MKKS: variants seen among roughly 807,000 people sequenced by gnomAD.
The protein encoded by MKKS is molecular chaperone MKKS.
A neutral mutation model predicts 33.2 loss-of-function variants in MKKS; 29 were observed. The ratio of observed to expected loss-of-function variants is 0.87; its 90% confidence interval spans 0.65 to 1.19. MKKS has a LOEUF of 1.19. Ranked by LOEUF, MKKS falls within the 50% of genes most tolerant of loss-of-function variation. The pLI is 0.00. For synonymous variants in MKKS, 260 were observed against 244.0 expected (o/e 1.07, Z -0.61); for missense variants, 661 against 662.3 (o/e 1.00, Z 0.02).
In MKKS at chr20:10,405,580, A is replaced by G; in HGVS notation, c.1380T>C (p.Ser460=). 1 of 1,614,216 alleles carries G rather than the reference A, an allele frequency of 6.2e-7. No homozygotes were observed. The highest frequency in any genetic ancestry group is 8.5e-7 in the Non-Finnish European group (1 of 1,180,042). ...FCSALESVVG[S]LEHDGGEILT... is the part of the protein sequence containing the mutation. ...GAATTTCACCTCCATCATGTTCTAA[A>G]GAGCCAACAACAGATTCTAGGGCAC... Residue 460 remains serine, a synonymous_variant, in exon 6 of 6, where the codon TCT becomes TCC. Transcript: ENST00000347364.
Position 10,412,675 on chromosome 20 carries a change from T to A in MKKS, c.840A>T (p.Gly280=). The A allele has an allele frequency of 6.2e-7, 1 of 1,614,114 alleles. No individual in the cohort carries two copies. Among genetic ancestry groups the A allele is most frequent in the Non-Finnish European group, 8.5e-7 (1 of 1,180,008 alleles). The change falls in exon 3 of 6, where the codon GGA becomes GGT. Residue 280 remains glycine (G), a synonymous_variant. Coordinates refer to ENST00000347364, the MANE Select transcript of MKKS (RefSeq NM_170784.3). ...NAVLDQLLNL[G]RQLISDHVDL... ...CTACGTGGTCACTGATTAGCTGCCTTCCTAGGTTAAGCAGCTGGTCCAAGA... is the reference window on the plus strand; with the variant it reads ...CTACGTGGTCACTGATTAGCTGCCTACCTAGGTTAAGCAGCTGGTCCAAGA...
intron 2 of MKKS, among the ~76,000 whole-genome samples, chr20:10,418,548 C>T (rs1175240795): frequency 2.0e-5 from 3 of 152,134 alleles, no homozygotes; most frequent in Non-Finnish European, 4.4e-5. Flanking sequence ...TAAATATCTG[C>T]TTCTGCTTGC....
chr20:10,414,778 C>G (rs747192060), intron 2 of MKKS, among the ~76,000 whole-genome samples: 2 of 152,086 alleles, frequency 1.3e-5, no homozygotes, highest in African/African-American at 4.8e-5. Flanking sequence ...CTATATTTAG[C>G]TGAATAATTC....
rs1249784538 is a variant in MKKS at position 10,401,792 on chromosome 20, T to C, written c.*3455A>G. The C allele has an allele frequency of 6.6e-6, 1 of 152,180 alleles. No individual in the cohort carries two copies. The highest frequency in any genetic ancestry group is 1.5e-5 in the Non-Finnish European group (1 of 68,024). 9.4% of individuals were successfully genotyped at this position (152,180 alleles called of 1,614,324 possible). A position where few individuals can be genotyped will look rare whatever the true frequency, so the allele number is the denominator to read the frequency against. ...CAAATGAGTTCAAGGATACCTATAA[T>C]AAAAGATATTAATGTGATATAGTTT... On this transcript the variant is annotated 3_prime_UTR_variant, in exon 6 of 6. Coordinates refer to ENST00000347364, the MANE Select transcript of MKKS (RefSeq NM_170784.3).
In MKKS at chr20:10,432,970, C is replaced by G. The variant is rs544324389; in HGVS notation, c.-649+1138G>C. Among the ~76,000 whole-genome samples, 3 of 152,268 alleles carry G rather than the reference C, an allele frequency of 2.0e-5. No homozygotes were observed. The East Asian group carries it at 5.8e-4, about 29-fold the overall frequency. ...ACAAGAAAAAAGGTCTGCACGTGTT[C>G]AGTACAGATGTAACCATCTTTTTTC... is the stretch of plus-strand genomic sequence containing the variant. On this transcript the variant is annotated intron_variant, in intron 1 of 5. Coordinates refer to ENST00000347364, the MANE Select transcript of MKKS (RefSeq NM_170784.3).
At chr20:10,416,705 T>C (rs558201786) in intron 2 of MKKS, among the ~76,000 whole-genome samples, 1 of 152,282 alleles carries the variant, frequency 6.6e-6, no homozygotes, top group African/African-American at 2.4e-5. Flanking sequence ...AGCTAATAAA[T>C]GGAGAAGGAA....
chr20:10,424,643 A>G (rs1339985947), intron 1 of MKKS, among the ~76,000 whole-genome samples: 1 of 152,168 alleles, frequency 6.6e-6, no homozygotes, highest in African/African-American at 2.4e-5. Context: ...GTAATGTGTT[A>G]TTTATTTTGT....
At chr20:10,424,011 A>G (rs1320839718) in intron 1 of MKKS, among the ~76,000 whole-genome samples, 1 of 152,150 alleles carries the variant, frequency 6.6e-6, no homozygotes, top group African/African-American at 2.4e-5. Flanking sequence ...GCAAGTAACT[A>G]TTTTCTGACA....
At chr20:10,410,850 C>T (rs1037128686) in intron 3 of MKKS, among the ~76,000 whole-genome samples, 1 of 152,036 alleles carries the variant, frequency 6.6e-6, no homozygotes, top group African/African-American at 2.4e-5. Flanking sequence ...AGTTTTCCCC[C>T]TTTTCTTTTT....
At chr20:10,433,650 G>C (rs1004222251) in intron 1 of MKKS, among the ~76,000 whole-genome samples, 1 of 152,172 alleles carries the variant, frequency 6.6e-6, no homozygotes, top group African/African-American at 2.4e-5. Context: ...TCACGTAGCT[G>C]GCAGGGCCAC....
At chr20:10,417,748 T>C (rs767688332) in intron 2 of MKKS, among the ~76,000 whole-genome samples, 2 of 152,060 alleles carry the variant, frequency 1.3e-5, no homozygotes, top group Non-Finnish European at 2.9e-5. Context: ...CTAGGATCTA[T>C]TCCACAGTAC....
intron 1 of MKKS, among the ~76,000 whole-genome samples, chr20:10,432,868 C>G (rs1227080907): frequency 4.7e-5 from 7 of 147,372 alleles, no homozygotes; most frequent in Non-Finnish European, 1.0e-4. Flanking sequence ...CTTAAATAAT[C>G]TCTAGGCTAC....
chr20:10,407,054 C>G (rs1215035891), intron 5 of MKKS, among the ~76,000 whole-genome samples: 1 of 151,956 alleles, frequency 6.6e-6, no homozygotes, highest in African/African-American at 2.4e-5. Flanking sequence ...GTTTCCTAGA[C>G]CAATCAAAAA....
At chr20:10,408,431 A>G (rs1225898241) in intron 4 of MKKS, among the ~76,000 whole-genome samples, 197 bp downstream of exon 4, 1 of 152,234 alleles carries the variant, frequency 6.6e-6, no homozygotes, top group African/African-American at 2.4e-5. Flanking sequence ...TAGTAGAAAT[A>G]ATAAATGGCA....
chr20:10,410,738 G>C (rs897240308), intron 3 of MKKS, among the ~76,000 whole-genome samples: 2 of 152,126 alleles, frequency 1.3e-5, no homozygotes, highest in Non-Finnish European at 2.9e-5. Context: ...TTTGTTTGAA[G>C]GCCTGAAATG....
intron 2 of MKKS, among the ~76,000 whole-genome samples, chr20:10,414,510 C>T (rs1216947830): frequency 1.3e-5 from 2 of 152,088 alleles, no homozygotes; most frequent in Non-Finnish European, 2.9e-5. Flanking sequence ...GGTGATCTGC[C>T]CATCTCTGCC....
intron 1 of MKKS, among the ~76,000 whole-genome samples, chr20:10,429,279 A>C (rs2065037590): frequency 6.6e-6 from 1 of 152,162 alleles, no homozygotes; most frequent in African/African-American, 2.4e-5. Context: ...ACTCCTAAGT[A>C]CTCAGGACTC....
At chr20:10,425,945 G>C (rs1403519419) in intron 1 of MKKS, among the ~76,000 whole-genome samples, 1 of 152,140 alleles carries the variant, frequency 6.6e-6, no homozygotes, top group Non-Finnish European at 1.5e-5. Flanking sequence ...GTAAATTTTA[G>C]ATCAAGTAAA....
At position 10,405,216 on chromosome 20, in the gene MKKS, G is replaced by C; in HGVS notation, c.*31C>G. The C allele has an allele frequency of 1.3e-6, 2 of 1,547,152 alleles. No homozygotes were observed. The highest frequency in any genetic ancestry group is 1.8e-6 in the Non-Finnish European group (2 of 1,134,170). On this transcript the variant is annotated 3_prime_UTR_variant, in exon 6 of 6. Transcript: ENST00000347364. ...CAATTGCCAACAGACTAGTTTATTT[G>C]TTTCTCTTGTAATACGAACATGCTA...
Sources: gnomAD v4.1 joint callset for allele counts (sites outside exome capture counted in the v4.1 genomes callset) on GRCh38, gnomAD v4.1.1 for gene constraint, MANE v1.5 for transcripts, NCBI Gene and HGNC (gene_info 2026-07-23, HGNC 2026-07-21) for gene names.